Variants in CNTN1 observed in about 807,000 individuals in gnomAD.
CNTN1 encodes contactin 1.
A neutral mutation model predicts 126.4 loss-of-function variants in CNTN1; 38 were observed. The observed-to-expected ratio is 0.30, with a 90% confidence interval of 0.23 to 0.39. The LOEUF (loss-of-function observed/expected upper bound fraction) is 0.39, where lower values mean the gene tolerates loss of function less well. CNTN1 is among the 10% of genes least tolerant of loss of function. CNTN1 has a pLI of 1.00. For synonymous variants in CNTN1, 413 were observed against 422.6 expected (o/e 0.98, Z 0.28); for missense variants, 1,009 against 1,248.4 (o/e 0.81, Z 2.89).
chr12:40,896,660 T>C (rs1268840727), intron 1 of CNTN1, among the ~76,000 whole-genome samples: 4 of 152,248 alleles, frequency 2.6e-5, no homozygotes, highest in East Asian at 1.9e-4. Context: ...TTCTCCAAAA[T>C]ACTTTCTTTC....
intron 1 of CNTN1, among the ~76,000 whole-genome samples, chr12:40,727,005 G>C (rs1474302238): frequency 6.7e-6 from 1 of 148,996 alleles, no homozygotes; most frequent in East Asian, 2.0e-4. Flanking sequence ...TTTATTATTA[G>C]AATTTAAAAA....
At chr12:40,726,651 G>A (rs1364129775) in intron 1 of CNTN1, among the ~76,000 whole-genome samples, 2 of 152,104 alleles carry the variant, frequency 1.3e-5, no homozygotes, top group Non-Finnish European at 2.9e-5. Context: ...AGATTTGGGT[G>A]GGGAGGCAGA....
chr12:41,058,764 T>C (rs1365426574), intron 23 of CNTN1, among the ~76,000 whole-genome samples: 4 of 152,264 alleles, frequency 2.6e-5, no homozygotes, highest in South Asian at 2.1e-4. Context: ...TAGAATTATT[T>C]TATATCTTCA....
At chr12:41,006,179 G>A (rs1948489152) in intron 17 of CNTN1, among the ~76,000 whole-genome samples, 2 of 152,032 alleles carry the variant, frequency 1.3e-5, no homozygotes, top group African/African-American at 4.8e-5. Flanking sequence ...GATTTTATGG[G>A]GCCAACATTC....
At chr12:41,013,705 G>A (rs956238988) in intron 17 of CNTN1, among the ~76,000 whole-genome samples, 3 of 152,106 alleles carry the variant, frequency 2.0e-5, no homozygotes, top group African/African-American at 7.2e-5. Context: ...ATAAGAGAAC[G>A]GGGGAGAGAG....
chr12:40,947,525 T>C (rs1000884325), intron 14 of CNTN1, among the ~76,000 whole-genome samples: 3 of 151,942 alleles, frequency 2.0e-5, no homozygotes, highest in Admixed American at 6.6e-5. Flanking sequence ...TGTATAACTT[T>C]TCTTGTTCCA....
intron 20 of CNTN1, among the ~76,000 whole-genome samples, chr12:41,024,308 T>A (rs1291559688): frequency 6.6e-6 from 1 of 152,142 alleles, no homozygotes; most frequent in Non-Finnish European, 1.5e-5. Flanking sequence ...AATATCAGGA[T>A]AGTTACAAAT....
chr12:41,017,278 C>G (rs571885319), intron 19 of CNTN1, among the ~76,000 whole-genome samples: 3 of 150,866 alleles, frequency 2.0e-5, no homozygotes, highest in African/African-American at 7.3e-5. Flanking sequence ...TAATTTAAAA[C>G]TTCTATAATA....
At position 40,939,431 on chromosome 12, in the gene CNTN1, C is replaced by G; in HGVS notation, c.1325C>G (p.Pro442Arg). 6.2e-7 allele frequency: 1 copy of G among 1,613,774 alleles called. No homozygotes were observed. Among genetic ancestry groups the G allele is most frequent in the Non-Finnish European group, 8.5e-7 (1 of 1,179,918 alleles). ...ATTGAATGCAAACCTAAAGCTGCAC[C>G]GAAACCAAAGTTTTCATGGAGTAAA... The part of the protein sequence containing the change: ...VIIECKPKAA[P>R]KPKFSWSKGT... The change falls in exon 12 of 24, where the codon CCG becomes CGG. Residue 442 changes from proline (P) to arginine (R), a missense_variant. By Grantham distance (103) the Pro-to-Arg change is moderately radical (BLOSUM62 -2). Coordinates refer to ENST00000551295, the MANE Select transcript of CNTN1 (RefSeq NM_001843.4).
intron 1 of CNTN1, among the ~76,000 whole-genome samples, chr12:40,733,646 G>C (rs12309842): frequency 0.046 from 6,933 of 151,842 alleles, 183 homozygotes; most frequent in Middle Eastern, 0.065. Context: ...AGGGATTGCA[G>C]AATATTTCCA....
At chr12:40,761,382 A>G (rs866726164) in intron 1 of CNTN1, among the ~76,000 whole-genome samples, 1 of 152,110 alleles carries the variant, frequency 6.6e-6, no homozygotes, top group Non-Finnish European at 1.5e-5. Context: ...TTCTTCTACC[A>G]ATCTTCACTG....
At chr12:40,851,295 C>G (rs1170564238) in intron 1 of CNTN1, among the ~76,000 whole-genome samples, 1 of 152,168 alleles carries the variant, frequency 6.6e-6, no homozygotes, top group Non-Finnish European at 1.5e-5. Context: ...TTCTCTTTCC[C>G]TCTCATTGTC....
chr12:40,729,883 T>G (rs74078563), intron 1 of CNTN1: 23,886 of 161,472 alleles, frequency 0.15, 2,144 homozygotes, highest in African/African-American at 0.25. Flanking sequence ...ATAGCCTCAC[T>G]ACATATCCCA....
rs112313311 is a variant in CNTN1, at chr12:41,063,063, C to T, written c.2981-6896C>T. On this transcript the variant is annotated intron_variant, in intron 23 of 23. Coordinates refer to ENST00000551295, the MANE Select transcript of CNTN1 (RefSeq NM_001843.4). Reference sequence around the variant, plus strand: ...AATTTGCAAAGTGGCAAACTCACACCAGGCCTTTCTGTACAAATAAATAAG... The same window carrying T: ...AATTTGCAAAGTGGCAAACTCACACTAGGCCTTTCTGTACAAATAAATAAG... Among the ~76,000 whole-genome samples, 605 of 152,292 alleles carry T rather than the reference C, an allele frequency of 4.0e-3. 7 individuals are homozygous for T. Among genetic ancestry groups the T allele is most frequent in the African/African-American group, 0.014 (581 of 41,564 alleles).
At chr12:41,022,623 G>A (rs1312529328) in intron 20 of CNTN1, among the ~76,000 whole-genome samples, 1 of 152,146 alleles carries the variant, frequency 6.6e-6, no homozygotes, top group Admixed American at 6.6e-5. Flanking sequence ...TGAGGAAGAT[G>A]ATGATGATGT....
At chr12:41,057,293 A>G (rs1949847510) in intron 23 of CNTN1, among the ~76,000 whole-genome samples, 1 of 149,828 alleles carries the variant, frequency 6.7e-6, no homozygotes, top group Non-Finnish European at 1.5e-5. Context: ...AGAAAGAGCC[A>G]TGTATTCCTG....
intron 19 of CNTN1, among the ~76,000 whole-genome samples, chr12:41,018,636 T>TTA (rs1217028972): frequency 1.3e-5 from 2 of 150,846 alleles, no homozygotes; most frequent in Non-Finnish European, 3.0e-5. Flanking sequence ...ATATTTAAAG[T>TTA]TATATATATA....
At chr12:40,872,257 T>A (rs576861836) in intron 1 of CNTN1, among the ~76,000 whole-genome samples, 123 of 146,782 alleles carry the variant, frequency 8.4e-4, no homozygotes, top group African/African-American at 3.0e-3. Context: ...TGTGTGTGTG[T>A]GTGTTTTCCC....
chr12:40,862,310 T>A (rs908983469), intron 1 of CNTN1, among the ~76,000 whole-genome samples: 1 of 152,166 alleles, frequency 6.6e-6, no homozygotes, highest in Non-Finnish European at 1.5e-5. Context: ...CCAGGTTGTG[T>A]TCAGTGTCAT....
Sources: gnomAD v4.1 joint callset for allele counts (sites outside exome capture counted in the v4.1 genomes callset) on GRCh38, gnomAD v4.1.1 for gene constraint, MANE v1.5 for transcripts, NCBI Gene and HGNC (gene_info 2026-07-23, HGNC 2026-07-21) for gene names.